Variants in IKZF2 observed in about 807,000 individuals in gnomAD.
IKZF2 encodes IKAROS family zinc finger 2, also known as zinc finger protein Helios.
IKZF2 carries 15 observed loss-of-function variants against 49.2 expected under a neutral mutation model. That is an observed-to-expected ratio of 0.30 (90% CI 0.20 to 0.47). The LOEUF is 0.47. Ranked by LOEUF, IKZF2 falls within the 20% of genes least tolerant of loss-of-function variation. The pLI, the probability that IKZF2 is intolerant of heterozygous loss-of-function variation, is 1.00. For synonymous variants in IKZF2, 227 were observed against 221.4 expected (o/e 1.03, Z -0.23); for missense variants, 567 against 664.6 (o/e 0.85, Z 1.61).
At chr2:213,035,366 T>C (rs1384423698) in intron 6 of IKZF2, among the ~76,000 whole-genome samples, 1 of 152,188 alleles carries the variant, frequency 6.6e-6, no homozygotes, top group Non-Finnish European at 1.5e-5. Flanking sequence ...AGTCTTGCAG[T>C]CCACAATCTC....
intron 6 of IKZF2, among the ~76,000 whole-genome samples, chr2:213,043,034 G>A (rs993297099): frequency 3.9e-5 from 6 of 151,958 alleles, no homozygotes; most frequent in African/African-American, 1.5e-4. Flanking sequence ...TACTGTCTAG[G>A]GAAAGCTCAA....
upstream of IKZF2, among the ~76,000 whole-genome samples, chr2:213,151,974 TCCCTCGCGCCCA>T (rs1457330700): frequency 6.6e-6 from 1 of 151,554 alleles, no homozygotes; most frequent in Non-Finnish European, 1.5e-5. Flanking sequence ...ACGCGCGCAC[TCCCTCGCGCCCA>T]CCCGCGCGCC....
chr2:213,110,446 C>CT (rs1559287142), intron 4 of IKZF2, among the ~76,000 whole-genome samples: 2 of 150,962 alleles, frequency 1.3e-5, no homozygotes, highest in African/African-American at 4.9e-5. Flanking sequence ...CTGCCCCTTC[C>CT]TTTTTTTTAA....
intron 1 of IKZF2, among the ~76,000 whole-genome samples, chr2:213,150,731 C>A (rs866217021): frequency 1.4e-5 from 2 of 145,134 alleles, no homozygotes; most frequent in African/African-American, 2.7e-5. Context: ...AGGGGAGGGA[C>A]AGTCAGGCAG....
chr2:213,083,380 G>A (rs1416692340), intron 4 of IKZF2, among the ~76,000 whole-genome samples: 7 of 127,554 alleles, frequency 5.5e-5, no homozygotes, highest in Admixed American at 3.1e-4. Context: ...ATAGGACGGC[G>A]AACCTTTTTT....
At chr2:213,015,340 T>C (rs946433477) in intron 7 of IKZF2, 2 of 152,004 alleles carry the variant, frequency 1.3e-5, no homozygotes, top group Non-Finnish European at 2.9e-5. Context: ...AGATGTTAAT[T>C]TGGAAAAAAG....
intron 4 of IKZF2, among the ~76,000 whole-genome samples, chr2:213,107,489 T>C (rs374287737): frequency 3.3e-5 from 5 of 152,164 alleles, no homozygotes; most frequent in Non-Finnish European, 7.3e-5. Context: ...TCTCTAAATG[T>C]TTTTCTCACT....
chr2:213,015,169 CAT>C (rs753327101), intron 7 of IKZF2: 2 of 151,884 alleles, frequency 1.3e-5, no homozygotes, highest in Non-Finnish European at 2.9e-5. Context: ...GAAAATGAAA[CAT>C]AGTGTGAAAA....
intron 4 of IKZF2, among the ~76,000 whole-genome samples, chr2:213,138,989 G>GA (rs1275815051): frequency 3.3e-5 from 5 of 151,972 alleles, no homozygotes; most frequent in African/African-American, 1.2e-4. Flanking sequence ...CAGCTGTCGA[G>GA]ATTTCTGTGA....
chr2:213,036,642 T>C (rs1474168124), intron 6 of IKZF2, among the ~76,000 whole-genome samples: 4 of 152,198 alleles, frequency 2.6e-5, no homozygotes, highest in Admixed American at 2.0e-4. Context: ...TTGCTTATAA[T>C]CATTATCATC....
At chr2:213,075,836 G>T (rs1703198087) in intron 4 of IKZF2, among the ~76,000 whole-genome samples, 1 of 152,012 alleles carries the variant, frequency 6.6e-6, no homozygotes, top group Admixed American at 6.5e-5. Context: ...TCAAACTAAA[G>T]AATATGGAAA....
rs142978781 is a variant in IKZF2, at chr2:213,056,990, G to A, written c.249C>T (p.Pro83=). 3.0e-4 allele frequency: 480 copies of A among 1,613,746 alleles called. No homozygotes were observed. The highest frequency in any genetic ancestry group is 1.8e-3 in the Middle Eastern group (11 of 6,060). Residue 83 remains proline, a synonymous_variant, in exon 5 of 9, where the codon CCC becomes CCT. Transcript: ENST00000434687. The part of the protein sequence containing the change: ...GHDEGSSLEE[P]LIESSEVADN... ...CAGCCACCTCGCTGCTCTCAATTAG[G>A]GGTTCTTCTAGGCTGCTACCCTCAT...
At chr2:213,108,841 C>T (rs984562512) in intron 4 of IKZF2, among the ~76,000 whole-genome samples, 1 of 151,674 alleles carries the variant, frequency 6.6e-6, no homozygotes, top group Non-Finnish European at 1.5e-5. Context: ...ATAAATCAAA[C>T]AAAAATCACA....
At chr2:213,009,730 T>A (rs1382401643) in intron 8 of IKZF2, among the ~76,000 whole-genome samples, 2 of 152,056 alleles carry the variant, frequency 1.3e-5, no homozygotes. Flanking sequence ...TAGTGTGGTA[T>A]GTGTGATGGG....
At chr2:213,066,115 A>G (rs756057388) in intron 4 of IKZF2, among the ~76,000 whole-genome samples, 2 of 152,120 alleles carry the variant, frequency 1.3e-5, no homozygotes, top group Non-Finnish European at 2.9e-5. Flanking sequence ...ACATTGTGAA[A>G]TTATCTTTTT....
In IKZF2 at chr2:213,006,927, CAAG is replaced by C. The variant is rs1258582692; in HGVS notation, c.*430_*432del. 1 of 155,774 alleles carries C rather than the reference CAAG, an allele frequency of 6.4e-6. No homozygotes were observed. The highest frequency in any genetic ancestry group is 2.4e-5 in the African/African-American group (1 of 41,472). The allele number at this position is 155,774 out of a possible 1,614,324, so 9.6% of individuals were successfully genotyped here. ...TACAGTTTGAAACACATTCTTCTTT[CAAG>C]AATAAAGTTACTTATACCATTTTTA... On this transcript the variant is annotated 3_prime_UTR_variant, in exon 9 of 9. Coordinates refer to ENST00000434687, the MANE Select transcript of IKZF2 (RefSeq NM_001387220.1).
rs1179678059 is a variant in IKZF2, at chr2:213,150,287, G to GT, written c.-119-41dup. ...AGGGAGAAAGAAAGAAGTTTTTTGT[G>GT]TTTCCCCCTTCTCTCTTTCCCTCCC... On this transcript the variant is annotated intron_variant, in intron 1 of 8. Coordinates refer to ENST00000434687, the MANE Select transcript of IKZF2 (RefSeq NM_001387220.1). 31 of 778,604 alleles carry GT rather than the reference G, an allele frequency of 4.0e-5. No individual in the cohort carries two copies. In the East Asian group the frequency reaches 1.8e-3, roughly 45 times the overall value. The allele number at this position is 778,604 out of a possible 1,614,324, so 48.2% of individuals were successfully genotyped here.
At position 213,100,797 on chromosome 2, in the gene IKZF2, C is replaced by G. The variant is rs537236685; in HGVS notation, c.140-43698G>C. ...AGTATTTCTTTTTAAAGGCCAGGTA[C>G]TTGTATAAAGAGAAGTCCCAATATT... is the stretch of plus-strand genomic sequence containing the variant. On this transcript the variant is annotated intron_variant, in intron 4 of 8. Transcript: ENST00000434687. 1.2e-4 allele frequency among the ~76,000 whole-genome samples: 19 copies of G among 152,100 alleles called. No homozygotes were observed. In the South Asian group the frequency reaches 3.7e-3, roughly 30 times the overall value.
chr2:213,078,890 A>G (rs1351252905), intron 4 of IKZF2, among the ~76,000 whole-genome samples: 1 of 152,212 alleles, frequency 6.6e-6, no homozygotes, highest in Non-Finnish European at 1.5e-5. Context: ...TTCTGTTTCC[A>G]AACCTATGAG....
Sources: allele counts gnomAD v4.1 joint callset (sites outside exome capture counted in the v4.1 genomes callset), GRCh38; gene constraint gnomAD v4.1.1; transcripts MANE v1.5; gene names NCBI Gene and HGNC (gene_info 2026-07-23, HGNC 2026-07-21).